LRRC69: variants seen among roughly 807,000 people sequenced by gnomAD.
The protein encoded by LRRC69 is leucine-rich repeat-containing protein 69.
LRRC69 carries 42 observed loss-of-function variants against 37.8 expected under a neutral mutation model. That is an observed-to-expected ratio of 1.11 (90% CI 0.87 to 1.44). LRRC69 has a LOEUF of 1.44. Among genes scored for constraint, LRRC69 ranks in the 40% most tolerant of loss-of-function variants. LRRC69 has a pLI of 0.00. For synonymous variants in LRRC69, 141 were observed against 143.1 expected (o/e 0.99, Z 0.11); for missense variants, 357 against 401.9 (o/e 0.89, Z 0.96).
chr8:91,200,496 T>G, intron 6 of LRRC69, 117 bp from the exon 7 acceptor site: 1 of 655,008 alleles, frequency 1.5e-6, no homozygotes, highest in Non-Finnish European at 2.3e-6. Context: ...TGCAGAATCT[T>G]AATTTAACAG....
intron 7 of LRRC69, among the ~76,000 whole-genome samples, chr8:91,217,177 A>G (rs917784261): frequency 2.0e-5 from 3 of 152,104 alleles, no homozygotes; most frequent in Non-Finnish European, 4.4e-5. Context: ...TGTTTGCTGT[A>G]TATCTTTGTA....
intron 5 of LRRC69, among the ~76,000 whole-genome samples, chr8:91,188,850 T>TTC (rs1809445473): frequency 6.6e-6 from 1 of 151,354 alleles, no homozygotes; most frequent in Non-Finnish European, 1.5e-5. Flanking sequence ...TTTTTTTTTT[T>TTC]CCCCTCACTC....
chr8:91,105,466 T>C lies in LRRC69; in HGVS notation c.183+2622T>C, dbSNP rs1433011407. ...TGGGAGGCCAAGGTGGGCAGATTGA[T>C]TGGGCTCAGTAGTTTGAAACTGGCC... On this transcript the variant is annotated intron_variant, in intron 1 of 7. Coordinates refer to ENST00000448384, the Ensembl canonical transcript of LRRC69. 2.0e-5 allele frequency among the ~76,000 whole-genome samples: 3 copies of C among 151,756 alleles called. No homozygotes were observed. In the East Asian group the frequency reaches 5.8e-4, roughly 29 times the overall value.
At chr8:91,102,910 G>A (rs1384069217) in intron 1 of LRRC69, 66 bp downstream of exon 1, 3 of 1,408,156 alleles carry the variant, frequency 2.1e-6, no homozygotes, top group Admixed American at 2.5e-5. Context: ...AGAGAAAAAA[G>A]GGGTAAGAGA....
chr8:91,198,617 G>A (rs1809660672), intron 6 of LRRC69, among the ~76,000 whole-genome samples: 1 of 152,010 alleles, frequency 6.6e-6, no homozygotes, highest in Admixed American at 6.6e-5. Flanking sequence ...TTTCATTTAT[G>A]ATGAATTATA....
intron 5 of LRRC69, among the ~76,000 whole-genome samples, chr8:91,146,026 T>C (rs1411650375): frequency 6.6e-6 from 1 of 151,840 alleles, no homozygotes; most frequent in Non-Finnish European, 1.5e-5. Context: ...TTAGTTAACT[T>C]ACATAATTTG....
At chr8:91,128,023 T>G (rs1189080740) in intron 3 of LRRC69, among the ~76,000 whole-genome samples, 1 of 152,058 alleles carries the variant, frequency 6.6e-6, no homozygotes, top group African/African-American at 2.4e-5. Flanking sequence ...CAATCTAATT[T>G]CTATAAAAGA....
intron 5 of LRRC69, among the ~76,000 whole-genome samples, chr8:91,150,627 T>G (rs554132057): frequency 0.052 from 7,933 of 152,134 alleles, 300 homozygotes; most frequent in Middle Eastern, 0.16. Context: ...ATTCTCTCTT[T>G]TTCTACTGAT....
chr8:91,197,452 C>A, intron 6 of LRRC69, among the ~76,000 whole-genome samples: 1 of 152,190 alleles, frequency 6.6e-6, no homozygotes, highest in Admixed American at 6.5e-5. Flanking sequence ...CTCGCTGCCG[C>A]CTCGCAGTTT....
chr8:91,216,187 A>G (rs1810043472), intron 7 of LRRC69, among the ~76,000 whole-genome samples: 1 of 152,178 alleles, frequency 6.6e-6, no homozygotes, highest in African/African-American at 2.4e-5. Flanking sequence ...ACTTCTAAAA[A>G]TCTCACCAAA....
intron 5 of LRRC69, among the ~76,000 whole-genome samples, chr8:91,153,361 A>G (rs1808775642): frequency 6.6e-6 from 1 of 151,376 alleles, no homozygotes; most frequent in African/African-American, 2.4e-5. Context: ...GATCAAGTGG[A>G]CCTGATAGAT....
chr8:91,116,512 A>C (rs1425004780), intron 1 of LRRC69, among the ~76,000 whole-genome samples: 1 of 148,098 alleles, frequency 6.8e-6, no homozygotes, highest in Admixed American at 6.8e-5. Flanking sequence ...GAGCATGTGT[A>C]TGTGTGTGAG....
intron 3 of LRRC69, among the ~76,000 whole-genome samples, chr8:91,128,300 C>T (rs560900202): frequency 2.0e-5 from 3 of 152,004 alleles, no homozygotes; most frequent in African/African-American, 4.8e-5. Flanking sequence ...AGCTATAACA[C>T]GTTATGATTT....
At chr8:91,157,928 C>T in intron 5 of LRRC69, 3 of 1,519,744 alleles carry the variant, frequency 2.0e-6, no homozygotes, top group Non-Finnish European at 2.7e-6. Flanking sequence ...TGTGTATCGG[C>T]AGTATACTGA....
chr8:91,152,843 A>G (rs35716905), intron 5 of LRRC69, among the ~76,000 whole-genome samples: 7,903 of 151,218 alleles, frequency 0.052, 299 homozygotes, highest in Middle Eastern at 0.16. Context: ...ACCAGCTAGC[A>G]TCATGATGAC....
Position 91,202,204 on chromosome 8 carries a change from T to TAAAACA in LRRC69, c.933+1437_933+1442dup, listed in dbSNP as rs140816721. ...CTAGGCAACAGAGCGAGACTCTGTC[T>TAAAACA]AAAACAAAAACAAAAACAAAAACAA... On this transcript the variant is annotated intron_variant, in intron 7 of 7. Transcript: ENST00000448384. Among the ~76,000 whole-genome samples, 267 of 151,674 alleles carry TAAAACA rather than the reference T, an allele frequency of 1.8e-3. 1 individual carries two copies. Among genetic ancestry groups the TAAAACA allele is most frequent in the Middle Eastern group, 0.017 (5 of 294 alleles).
chr8:91,190,729 T>C (rs978478699), intron 6 of LRRC69, among the ~76,000 whole-genome samples: 5 of 152,152 alleles, frequency 3.3e-5, no homozygotes, highest in African/African-American at 1.2e-4. Flanking sequence ...GTTTAAATTA[T>C]TAATAATTTT....
intron 3 of LRRC69, among the ~76,000 whole-genome samples, chr8:91,128,004 G>T (rs1378334180): frequency 2.0e-5 from 3 of 152,002 alleles, no homozygotes; most frequent in East Asian, 3.8e-4. Context: ...AACTAGAAAA[G>T]AATTGAATCA....
intron 7 of LRRC69, chr8:91,209,378 GC>G (rs1382741580): frequency 6.6e-6 from 1 of 152,184 alleles, no homozygotes; most frequent in Non-Finnish European, 1.5e-5. Flanking sequence ...GTTGTAGTGA[GC>G]CGAGATCACG....
Sources: gnomAD v4.1 joint callset for allele counts (sites outside exome capture counted in the v4.1 genomes callset) on GRCh38, gnomAD v4.1.1 for gene constraint, MANE v1.5 for transcripts, NCBI Gene and HGNC (gene_info 2026-07-23, HGNC 2026-07-21) for gene names.